MMAA: variants seen among roughly 807,000 people sequenced by gnomAD.
The protein encoded by MMAA is metabolism of cobalamin associated A.
Under a neutral mutation model 45.0 loss-of-function variants are expected in MMAA, and 41 were observed. The ratio of observed to expected loss-of-function variants is 0.91; its 90% CI spans 0.71 to 1.18. The LOEUF is 1.18. MMAA is among the 50% of genes most tolerant of loss of function. The probability of loss-of-function intolerance (pLI) is 0.00; values close to 1 mark genes in which losing one functional copy is unlikely to be tolerated. For synonymous variants in MMAA, 154 were observed against 178.2 expected (o/e 0.86, Z 1.08); for missense variants, 460 against 495.7 (o/e 0.93, Z 0.68).
intron 1 of MMAA, chr4:145,625,660 C>A: frequency 8.2e-7 from 1 of 1,220,180 alleles, no homozygotes. Flanking sequence ...GTCAAACTGC[C>A]CAGTCTCTCT....
At chr4:145,654,202 A>G in intron 6 of MMAA, 59 bp downstream of exon 6, 1 of 1,591,308 alleles carries the variant, frequency 6.3e-7, no homozygotes, top group Non-Finnish European at 8.6e-7. Context: ...ATTAGAAGAC[A>G]GGATATAAGT....
intron 4 of MMAA, chr4:145,650,766 G>A (rs908636672): frequency 4.6e-6 from 2 of 431,732 alleles, no homozygotes; most frequent in South Asian, 5.2e-5. Flanking sequence ...CAAGCTGCTC[G>A]CTGATGAAAA....
chr4:145,649,780 A>AT (rs1165844669), intron 4 of MMAA, among the ~76,000 whole-genome samples: 5 of 151,052 alleles, frequency 3.3e-5, no homozygotes, highest in East Asian at 1.9e-4. Flanking sequence ...GTGGAAGTAG[A>AT]TTTTTTTTTG....
chr4:145,659,516 T>C lies in MMAA; in HGVS notation c.*4082T>C, dbSNP rs956918010. The C allele has an allele frequency of 6.6e-6, 1 of 152,220 alleles. No individual in the cohort carries two copies. The highest frequency in any genetic ancestry group is 2.4e-5 in the African/African-American group (1 of 41,456). The allele number at this position is 152,220 out of a possible 1,614,324, so 9.4% of individuals were successfully genotyped here. On this transcript the variant is annotated 3_prime_UTR_variant, in exon 7 of 7. Transcript: ENST00000649156. ...GGGCATATGTAAGTCAGTAAACTAT[T>C]CTGTTAGTAAAGTCAAAGGCGTAAT... is the stretch of plus-strand genomic sequence containing the variant.
chr4:145,646,305 G>A lies in MMAA; in HGVS notation c.733+149G>A, dbSNP rs1727927466. 18 of 878,500 alleles carry A rather than the reference G, an allele frequency of 2.0e-5. 1 individual carries two copies. The South Asian group carries it at 2.7e-4, about 13-fold the overall frequency. The allele number at this position is 878,500 out of a possible 1,614,324, so 54.4% of individuals were successfully genotyped here. A position where few individuals can be genotyped will look rare whatever the true frequency, so the allele number is the denominator to read the frequency against. On this transcript the variant is annotated intron_variant, in intron 4 of 6. Coordinates refer to ENST00000649156, the MANE Select transcript of MMAA (RefSeq NM_172250.3). ...CCCATACTCCCTAGAAGATATGAATGTATAGGTTATAATCTTTACCCTCCA... is the reference window on the plus strand; with the variant it reads ...CCCATACTCCCTAGAAGATATGAATATATAGGTTATAATCTTTACCCTCCA...
Position 145,655,533 on chromosome 4 carries a change from T to G in MMAA, c.*99T>G. 1 of 1,146,636 alleles carries G rather than the reference T, an allele frequency of 8.7e-7. No individual in the cohort carries two copies. The allele number at this position is 1,146,636 out of a possible 1,614,324, so 71.0% of individuals were successfully genotyped here. On this transcript the variant is annotated 3_prime_UTR_variant, in exon 7 of 7. Transcript: ENST00000649156. ...TATATTTTCAGTAATTATTGTATGG[T>G]GCTCTTGTCTTCTTTGTTTGTGACC...
Position 145,655,199 on chromosome 4 carries a change from A to G in MMAA, c.1022A>G (p.Lys341Arg). Reference sequence around the variant, plus strand: ...GAGGGGATCTCTGAAATGTGGGATAAAATGAAAGATTTCCAGGACCTAATG... The same window carrying G: ...GAGGGGATCTCTGAAATGTGGGATAGAATGAAAGATTTCCAGGACCTAATG... ...SGEGISEMWD[K>R]MKDFQDLMLA... The change falls in exon 7 of 7, where the codon AAA becomes AGA. Residue 341 changes from lysine (K) to arginine (R), a missense_variant. Transcript: ENST00000649156. 6.2e-7 allele frequency: 1 copy of G among 1,614,190 alleles called. No homozygotes were observed. The highest frequency in any genetic ancestry group is 8.5e-7 in the Non-Finnish European group (1 of 1,180,030).
At chr4:145,625,605 G>T in intron 1 of MMAA, 1 of 809,458 alleles carries the variant, frequency 1.2e-6, no homozygotes, top group Non-Finnish European at 2.2e-6. Flanking sequence ...CAGAGCAGTT[G>T]TGTCAGCTTC....
intron 3 of MMAA, among the ~76,000 whole-genome samples, chr4:145,643,653 C>T (rs1727850623): frequency 1.3e-5 from 2 of 152,048 alleles, no homozygotes; most frequent in South Asian, 2.1e-4. Flanking sequence ...AATTTTTGCT[C>T]ACAAGGTTCA....
At chr4:145,636,850 G>A (rs1454990227) in intron 1 of MMAA, among the ~76,000 whole-genome samples, 2 of 152,198 alleles carry the variant, frequency 1.3e-5, no homozygotes, top group African/African-American at 2.4e-5. Flanking sequence ...GATAATGAAC[G>A]AGGCATTGTA....
At chr4:145,638,956 A>C in intron 1 of MMAA, 119 bp from the exon 2 acceptor site, 1 of 621,986 alleles carries the variant, frequency 1.6e-6, no homozygotes, top group East Asian at 2.7e-5. Context: ...CATTTGTACT[A>C]CCAAAAACTC....
At position 145,620,526 on chromosome 4, in the gene MMAA, A is replaced by G. The variant is rs977621678; in HGVS notation, c.-66+1119A>G. On this transcript the variant is annotated intron_variant, in intron 1 of 6. Coordinates refer to ENST00000649156, the MANE Select transcript of MMAA (RefSeq NM_172250.3). ...GTATTTTTTCTTGATTTTTAATGTTACTTGCAACCAATTTAGTTAACACAC... is the reference window on the plus strand; with the variant it reads ...GTATTTTTTCTTGATTTTTAATGTTGCTTGCAACCAATTTAGTTAACACAC... Among the ~76,000 whole-genome samples, 3 of 152,146 alleles carry G rather than the reference A, an allele frequency of 2.0e-5. No homozygotes were observed. In the East Asian group the frequency reaches 5.8e-4, roughly 29 times the overall value.
intron 1 of MMAA, chr4:145,624,465 T>G (rs1734155226): frequency 1.2e-6 from 1 of 857,084 alleles, no homozygotes; most frequent in Non-Finnish European, 1.9e-6. Flanking sequence ...GTCTTCAGTA[T>G]TAGGCCCTTT....
At chr4:145,648,855 A>G (rs964255823) in intron 4 of MMAA, among the ~76,000 whole-genome samples, 1 of 152,004 alleles carries the variant, frequency 6.6e-6, no homozygotes, top group Non-Finnish European at 1.5e-5. Flanking sequence ...GCATGGTGGC[A>G]TGCACCTGTA....
Position 145,639,268 on chromosome 4 carries a change from G to A in MMAA, c.129G>A (p.Pro43=), listed in dbSNP as rs779779664. 45 of 1,614,026 alleles carry A rather than the reference G, an allele frequency of 2.8e-5. No individual in the cohort carries two copies. Among genetic ancestry groups the A allele is most frequent in the East Asian group, 4.5e-5 (2 of 44,896 alleles). ...GATCAGGAATCCCATGTGCTCAGCC[G>A]TTTAATTCTCTTGGACTCCATTGTA... The part of the protein sequence containing the change: ...HLGSGIPCAQ[P]FNSLGLHCTK... Residue 43 remains proline (P), a synonymous_variant, in exon 2 of 7, where the codon CCG becomes CCA. Transcript: ENST00000649156.
chr4:145,637,589 C>A (rs767116479), intron 1 of MMAA, among the ~76,000 whole-genome samples: 2 of 152,070 alleles, frequency 1.3e-5, no homozygotes, highest in Non-Finnish European at 2.9e-5. Context: ...TCATGTTCAT[C>A]GGCCTTGAAG....
chr4:145,633,520 C>T (rs1578873938), intron 1 of MMAA, among the ~76,000 whole-genome samples: 1 of 152,150 alleles, frequency 6.6e-6, no homozygotes, highest in Admixed American at 6.5e-5. Flanking sequence ...TCTTGAGTTT[C>T]CTCAAAACAG....
Position 145,645,842 on chromosome 4 carries a change from C to G in MMAA, c.563-144C>G, listed in dbSNP as rs906444444. 5.5e-6 allele frequency: 4 copies of G among 721,516 alleles called. No individual in the cohort carries two copies. The African/African-American group carries it at 7.0e-5, about 13-fold the overall frequency. The allele number at this position is 721,516 out of a possible 1,614,324, so 44.7% of individuals were successfully genotyped here. A position where few individuals can be genotyped will look rare whatever the true frequency, so the allele number is the denominator to read the frequency against. The stretch of plus-strand genomic sequence containing the variant: ...AAGATTAATCTGACATCATTGTATA[C>G]AATGAGTTGGAGAGAAGCTCAGTAA... On this transcript the variant is annotated intron_variant, in intron 3 of 6. Transcript: ENST00000649156.
rs201234437 is a variant in MMAA, at chr4:145,651,172, A to G, written c.819+25A>G. 6.9e-5 allele frequency: 109 copies of G among 1,580,530 alleles called. No homozygotes were observed. In the East Asian group the frequency reaches 1.8e-3, roughly 26 times the overall value. On this transcript the variant is annotated intron_variant, in intron 5 of 6. Transcript: ENST00000649156. ...GGTAATTATTTTTATTTTTTCCCCC[A>G]AAAATATAAAATGTATATCTCTGAA...
Sources: allele counts gnomAD v4.1 joint callset (sites outside exome capture counted in the v4.1 genomes callset), GRCh38; gene constraint gnomAD v4.1.1; transcripts MANE v1.5; gene names NCBI Gene and HGNC (gene_info 2026-07-23, HGNC 2026-07-21).